COQ6: variants seen among roughly 807,000 people sequenced by gnomAD.
COQ6 encodes ubiquinone biosynthesis monooxygenase COQ6, mitochondrial.
Under a neutral mutation model 55.5 loss-of-function variants are expected in COQ6, and 45 were observed. The ratio of observed to expected loss-of-function variants is 0.81; its 90% CI spans 0.64 to 1.04. The LOEUF (loss-of-function observed/expected upper bound fraction) is 1.04, where lower values mean the gene tolerates loss of function less well. Among genes scored for constraint, COQ6 ranks in the 50% least tolerant of loss-of-function variants. The probability of loss-of-function intolerance (pLI) is 0.00; values close to 1 mark genes in which losing one functional copy is unlikely to be tolerated. For missense variants in COQ6, 550 were observed against 601.3 expected (o/e 0.91, Z 0.89); for synonymous variants, 206 against 230.5 (o/e 0.89, Z 0.96).
chr14:73,950,174 AGGCAAGG>A, upstream of COQ6: 1 of 1,574,942 alleles, frequency 6.3e-7, no homozygotes, highest in Non-Finnish European at 8.6e-7. Context: ...CCGCCCGAGG[AGGCAAGG>A]TTCGTTTTCC....
At chr14:73,960,998 G>A in intron 8 of COQ6, 175 bp from the exon 9 acceptor site, 1 of 761,248 alleles carries the variant, frequency 1.3e-6, no homozygotes, top group African/African-American at 1.7e-5. Flanking sequence ...AAAACCTCTG[G>A]GGAGTGATGA....
chr14:73,963,098 T>C lies in COQ6; in HGVS notation c.*99T>C. 1.0e-6 allele frequency: 1 copy of C among 1,002,672 alleles called. No individual in the cohort carries two copies. The highest frequency in any genetic ancestry group is 1.6e-6 in the Non-Finnish European group (1 of 632,998). 62.1% of individuals were successfully genotyped at this position (1,002,672 alleles called of 1,614,324 possible). On this transcript the variant is annotated 3_prime_UTR_variant, in exon 12 of 12. Coordinates refer to ENST00000334571, the MANE Select transcript of COQ6 (RefSeq NM_182476.3). ...AAGATCTTATTTAATTTAATAAACT[T>C]ACTTTACATTAAAATTCTCTTTTTC...
At chr14:73,957,575 C>T (rs915304315) in intron 4 of COQ6, among the ~76,000 whole-genome samples, 9 of 151,968 alleles carry the variant, frequency 5.9e-5, no homozygotes, top group Admixed American at 2.6e-4. Context: ...CTAACTGGGA[C>T]GACAGGTGCG....
intron 7 of COQ6, 47 bp from the exon 8 acceptor site, chr14:73,959,368 A>G (rs2056598658): frequency 1.2e-6 from 2 of 1,614,022 alleles, no homozygotes; most frequent in African/African-American, 1.3e-5. Flanking sequence ...AGAGTTTCCA[A>G]GTGCAGCAGA....
intron 3 of COQ6, 37 bp from the exon 4 acceptor site, chr14:73,955,768 C>CT (rs1054667115): frequency 6.2e-7 from 1 of 1,613,994 alleles, no homozygotes; most frequent in Non-Finnish European, 8.5e-7. Flanking sequence ...ATGTTTCCCT[C>CT]TTGGTTTTAA....
chr14:73,962,237 C>T (rs961660220), intron 11 of COQ6, among the ~76,000 whole-genome samples: 2 of 152,046 alleles, frequency 1.3e-5, no homozygotes, highest in South Asian at 4.2e-4. Context: ...TGAGCCACTG[C>T]GGCTGGCCCA....
Position 73,950,415 on chromosome 14 carries a change from C to A in COQ6, c.83C>A (p.Ser28Tyr). Residue 28 changes from serine (S) to tyrosine (Y), a missense_variant, in exon 1 of 12, where the codon TCC (serine) becomes TAC (tyrosine). Ser to Tyr is a moderately radical substitution (Grantham distance 144). Transcript: ENST00000334571. ...CCGCTGGTGTCCTGGCGCAGGTGGT[C>A]CGGCGCCTCAACAGACACCGTGTAT... ...SGPLVSWRRW[S>Y]GASTDTVYDV... The A allele has an allele frequency of 6.3e-7, 1 of 1,599,368 alleles. No homozygotes were observed. Among genetic ancestry groups the A allele is most frequent in the Admixed American group, 1.7e-5 (1 of 58,288 alleles).
At chr14:73,950,975 T>G (rs921470540) in intron 1 of COQ6, among the ~76,000 whole-genome samples, 1 of 152,198 alleles carries the variant, frequency 6.6e-6, no homozygotes, top group Admixed American at 6.5e-5. Context: ...ATTGAGCAGT[T>G]TGTCTCTTGA....
At chr14:73,952,871 T>G (rs1330329748) in intron 1 of COQ6, among the ~76,000 whole-genome samples, 4 of 151,798 alleles carry the variant, frequency 2.6e-5, no homozygotes, top group Non-Finnish European at 5.9e-5. Context: ...AGAGACGGGT[T>G]TCACCATGTT....
chr14:73,955,667 TCTC>T (rs1436719445), intron 3 of COQ6, 135 bp from the exon 4 acceptor site: 4 of 1,451,556 alleles, frequency 2.8e-6, no homozygotes, highest in Non-Finnish European at 3.9e-6. Flanking sequence ...AGAATTTTCT[TCTC>T]ATTTTATATT....
At chr14:73,958,683 A>G in intron 5 of COQ6, 1 of 1,338,466 alleles carries the variant, frequency 7.5e-7, no homozygotes, top group Non-Finnish European at 9.6e-7. Context: ...TGTGTGCCCC[A>G]TACTGAAACT....
At chr14:73,955,198 C>G (rs1298093139) in intron 2 of COQ6, 2 of 528,146 alleles carry the variant, frequency 3.8e-6, no homozygotes, top group Non-Finnish European at 6.8e-6. Context: ...CGTGATCCGC[C>G]CGCCTCAGTC....
In COQ6 at chr14:73,961,076, G is replaced by T; in HGVS notation, c.892-97G>T. On this transcript the variant is annotated intron_variant, in intron 8 of 11. Coordinates refer to ENST00000334571, the MANE Select transcript of COQ6 (RefSeq NM_182476.3). Reference sequence around the variant, plus strand: ...AGTGTAGGCAAGTTGGGTAGCATTAGCCTAAGCTTTGGTTACAAACAAGGT... The same window carrying T: ...AGTGTAGGCAAGTTGGGTAGCATTATCCTAAGCTTTGGTTACAAACAAGGT... The T allele has an allele frequency of 2.8e-6, 4 of 1,411,796 alleles. No individual in the cohort carries two copies. In the South Asian group the frequency reaches 3.7e-5, roughly 13 times the overall value. 87.5% of individuals were successfully genotyped at this position (1,411,796 alleles called of 1,614,324 possible).
chr14:73,950,317 G>A lies in COQ6; in HGVS notation c.-16G>A, dbSNP rs1409820785. 3 of 1,546,604 alleles carry A rather than the reference G, an allele frequency of 1.9e-6. No homozygotes were observed. The highest frequency in any genetic ancestry group is 2.6e-6 in the Non-Finnish European group (3 of 1,149,314). On this transcript the variant is annotated 5_prime_UTR_variant, in exon 1 of 12. Transcript: ENST00000334571. ...GGCCTGCGGGAGTTCTGAGTGCGAC[G>A]GCGCAGGTCTGCACCATGGCGGCCC... is the stretch of plus-strand genomic sequence containing the variant.
upstream of COQ6, chr14:73,950,189 T>G (rs766610385): frequency 4.5e-6 from 7 of 1,557,586 alleles, no homozygotes; most frequent in Admixed American, 1.9e-5. Flanking sequence ...AGGTTCGTTT[T>G]CCGATTGGCC....
chr14:73,949,993 C>T (rs762672371), upstream of COQ6: 128 of 1,613,328 alleles, frequency 7.9e-5, no homozygotes, highest in Non-Finnish European at 1.0e-4. Flanking sequence ...CCCTCCGCGC[C>T]TCCGGGGGCT....
chr14:73,961,314 C>A lies in COQ6; in HGVS notation c.1033C>A (p.Leu345Met), dbSNP rs759954362. The A allele has an allele frequency of 6.2e-7, 1 of 1,614,220 alleles. No homozygotes were observed. The highest frequency in any genetic ancestry group is 1.1e-5 in the South Asian group (1 of 91,086). ...VARVDAKSRVLFPLGLGHAAE... is the reference protein window; with the variant it reads ...VARVDAKSRVMFPLGLGHAAE... Reference sequence around the variant, plus strand: ...CAGGGTGGATGCCAAAAGCCGAGTTCTGTTTCCTCTTGGGTTGGGACATGC... The same window carrying A: ...CAGGGTGGATGCCAAAAGCCGAGTTATGTTTCCTCTTGGGTTGGGACATGC... The change falls in exon 9 of 12, where the codon CTG becomes ATG. Residue 345 changes from leucine (L) to methionine (M), a missense_variant. Transcript: ENST00000334571.
Position 73,955,447 on chromosome 14 carries a change from G to T in COQ6, c.299-4G>T. ...CTCTGGTCTATAGATCCTTTCTTTTGTAGGTTTTGGTGCCTGGGACCATAT... is the reference window on the plus strand; with the variant it reads ...CTCTGGTCTATAGATCCTTTCTTTTTTAGGTTTTGGTGCCTGGGACCATAT... On this transcript the variant is annotated splice_region_variant and splice_polypyrimidine_tract_variant and intron_variant, in intron 2 of 11. Transcript: ENST00000334571. 1.9e-6 allele frequency: 3 copies of T among 1,613,802 alleles called. No homozygotes were observed. In the East Asian group the frequency reaches 6.7e-5, roughly 36 times the overall value.
chr14:73,955,557 A>C, intron 3 of COQ6, 48 bp downstream of exon 3: 3 of 1,558,530 alleles, frequency 1.9e-6, no homozygotes, highest in Non-Finnish European at 2.7e-6. Context: ...GGTCTGTCTT[A>C]AGATATCGGA....
Sources: allele counts gnomAD v4.1 joint callset (sites outside exome capture counted in the v4.1 genomes callset), GRCh38; gene constraint gnomAD v4.1.1; transcripts MANE v1.5; gene names NCBI Gene and HGNC (gene_info 2026-07-23, HGNC 2026-07-21).